The following JAK2 variants were observed in gnomAD, a reference collection of about 807,000 sequenced individuals.
JAK2 encodes the protein tyrosine-protein kinase JAK2.
In JAK2, 86 loss-of-function variants were observed where a neutral mutation model predicts 139.3. The observed-to-expected ratio is 0.62, with a 90% confidence interval of 0.52 to 0.74. The LOEUF (loss-of-function observed/expected upper bound fraction) is 0.74. Ranked by LOEUF, JAK2 falls within the 30% of genes least tolerant of loss-of-function variation. JAK2 has a pLI of 0.00. For synonymous variants in JAK2, 490 were observed against 437.7 expected (o/e 1.12, Z -1.49); for missense variants, 1,421 against 1,360.3 (o/e 1.04, Z -0.70).
chr9:5,035,050 A>T (rs569913990), intron 4 of JAK2, among the ~76,000 whole-genome samples: 4 of 152,348 alleles, frequency 2.6e-5, no homozygotes, highest in African/African-American at 7.2e-5. Flanking sequence ...GATAAAGGGG[A>T]TATCAACCCG....
intron 8 of JAK2, 123 bp downstream of exon 8, chr9:5,055,911 C>A (rs764686680): frequency 2.4e-6 from 2 of 818,512 alleles, no homozygotes; most frequent in African/African-American, 1.7e-5. Flanking sequence ...AAATATAACT[C>A]TAAACATCAG....
At chr9:5,036,201 A>G (rs1453790470) in intron 4 of JAK2, among the ~76,000 whole-genome samples, 1 of 152,180 alleles carries the variant, frequency 6.6e-6, no homozygotes. Context: ...GGAGAACTAC[A>G]AACCACTGCT....
At chr9:5,117,942 T>A (rs1243275588) in intron 22 of JAK2, among the ~76,000 whole-genome samples, 1 of 152,218 alleles carries the variant, frequency 6.6e-6, no homozygotes, top group African/African-American at 2.4e-5. Flanking sequence ...TAAAAGAATT[T>A]AGAAAAACCA....
chr9:5,048,548 T>G (rs1004603308), intron 5 of JAK2, among the ~76,000 whole-genome samples: 1 of 152,168 alleles, frequency 6.6e-6, no homozygotes. Flanking sequence ...TTCTCAAAAG[T>G]GTGGTGAAAT....
chr9:4,984,400 G>A (rs1563903144), upstream of JAK2: 1 of 152,308 alleles, frequency 6.6e-6, no homozygotes, highest in South Asian at 2.1e-4. Flanking sequence ...ACCCTCTCCC[G>A]GGCTACACCA....
Position 5,035,510 on chromosome 9 carries a change from C to T in JAK2, c.350+5604C>T, listed in dbSNP as rs188556126. On this transcript the variant is annotated intron_variant, in intron 4 of 24. Transcript: ENST00000381652. The stretch of plus-strand genomic sequence containing the variant: ...CAAAATACTGGCAAACCGAATCCAG[C>T]AGCACATCAAAAAGCTTATCCACCA... 1.1e-4 allele frequency among the ~76,000 whole-genome samples: 17 copies of T among 152,306 alleles called. No individual in the cohort carries two copies. In the East Asian group the frequency reaches 3.1e-3, roughly 28 times the overall value.
At position 5,078,462 on chromosome 9, in the gene JAK2, T is replaced by C. The variant is rs2130592208; in HGVS notation, c.2131+18T>C. ...AAAGGACAGTAAGTTCTAGAAGGAT[T>C]ATATATAATGTTACTAAGCTTTACT... is the stretch of plus-strand genomic sequence containing the variant. On this transcript the variant is annotated intron_variant, in intron 16 of 24. Coordinates refer to ENST00000381652, the MANE Select transcript of JAK2 (RefSeq NM_004972.4). 1 of 1,601,180 alleles carries C rather than the reference T, an allele frequency of 6.2e-7. No individual in the cohort carries two copies. The highest frequency in any genetic ancestry group is 8.5e-7 in the Non-Finnish European group (1 of 1,171,624).
chr9:5,110,189 A>T (rs1156917065), intron 22 of JAK2: 1 of 152,154 alleles, frequency 6.6e-6, no homozygotes, highest in East Asian at 1.9e-4. Context: ...GCCCAACCCC[A>T]GCCTCAGCCC....
chr9:5,058,564 A>G (rs1452088980), intron 8 of JAK2, among the ~76,000 whole-genome samples: 5 of 152,222 alleles, frequency 3.3e-5, no homozygotes. Context: ...AAACCATGTC[A>G]TACCTAGAAG....
intron 2 of JAK2, among the ~76,000 whole-genome samples, chr9:5,012,829 A>C (rs1018382571): frequency 1.3e-5 from 2 of 152,254 alleles, no homozygotes; most frequent in Non-Finnish European, 1.5e-5. Flanking sequence ...CAGATAATGG[A>C]ATTTTAGTCT....
intron 22 of JAK2, chr9:5,109,734 C>G (rs1203059575): frequency 6.6e-6 from 1 of 152,170 alleles, no homozygotes; most frequent in African/African-American, 2.4e-5. Context: ...TAGACTACTT[C>G]TCCATAATAT....
At chr9:5,086,235 A>C (rs1820102208) in intron 19 of JAK2, 1 of 597,700 alleles carries the variant, frequency 1.7e-6, no homozygotes, top group Non-Finnish European at 2.1e-6. Context: ...GGAGTCTGAA[A>C]GTCGCGGTAG....
chr9:5,085,154 C>G (rs749388364), intron 19 of JAK2: 1 of 648,440 alleles, frequency 1.5e-6, no homozygotes, highest in South Asian at 1.4e-5. Context: ...TACTGTGGAG[C>G]TCTGTCTACA....
At position 5,066,701 on chromosome 9, in the gene JAK2, T is replaced by A. The variant is rs1818596804; in HGVS notation, c.1238T>A (p.Leu413Gln). Residue 413 changes from leucine to glutamine, a missense_variant, in exon 10 of 25, where the codon CTG becomes CAG. By Grantham distance (113) the Leu-to-Gln change is moderately radical. Transcript: ENST00000381652. ...AGGATGGATTTTGCCATTAGTAAAC[T>A]GAAGAAAGCAGGTAATCAGACTGGA... is the stretch of plus-strand genomic sequence containing the variant. ...PISMDFAISK[L>Q]KKAGNQTGLY... 6.2e-7 allele frequency: 1 copy of A among 1,607,398 alleles called. No homozygotes were observed. Among genetic ancestry groups the A allele is most frequent in the Non-Finnish European group, 8.5e-7 (1 of 1,174,946 alleles).
chr9:5,126,926 C>G lies in JAK2; in HGVS notation c.*135C>G, dbSNP rs1824037711. On this transcript the variant is annotated 3_prime_UTR_variant, in exon 25 of 25. Coordinates refer to ENST00000381652, the MANE Select transcript of JAK2 (RefSeq NM_004972.4). ...CTAGCCAGCAAAGATGTGAAAATATCTGCTCAAAACTTTCAAAGTTTAGTA... is the reference window on the plus strand; with the variant it reads ...CTAGCCAGCAAAGATGTGAAAATATGTGCTCAAAACTTTCAAAGTTTAGTA... 2 of 457,618 alleles carry G rather than the reference C, an allele frequency of 4.4e-6. No homozygotes were observed. Among genetic ancestry groups the G allele is most frequent in the Non-Finnish European group, 3.8e-6 (1 of 266,516 alleles). The allele number at this position is 457,618 out of a possible 1,614,324, so 28.3% of individuals were successfully genotyped here. A position where few individuals can be genotyped will look rare whatever the true frequency, so the allele number is the denominator to read the frequency against.
At chr9:5,034,459 C>T (rs560232891) in intron 4 of JAK2, among the ~76,000 whole-genome samples, 8 of 152,218 alleles carry the variant, frequency 5.3e-5, no homozygotes, top group African/African-American at 1.4e-4. Context: ...CACACCACAC[C>T]TATTCCAAAA....
intron 2 of JAK2, among the ~76,000 whole-genome samples, chr9:5,017,044 C>G (rs866971862): frequency 6.6e-6 from 1 of 152,144 alleles, no homozygotes; most frequent in South Asian, 2.1e-4. Context: ...AACATTGCTG[C>G]TAATGCAAAC....
At chr9:5,055,113 T>G (rs538004218) in intron 7 of JAK2, among the ~76,000 whole-genome samples, 1 of 152,014 alleles carries the variant, frequency 6.6e-6, no homozygotes, top group Non-Finnish European at 1.5e-5. Context: ...GACTATATTA[T>G]AGTTTCAGAA....
intron 2 of JAK2, among the ~76,000 whole-genome samples, chr9:4,996,037 G>GA (rs1158874745): frequency 6.6e-6 from 1 of 152,092 alleles, no homozygotes; most frequent in Non-Finnish European, 1.5e-5. Context: ...CAATCCATAG[G>GA]ATAGGTCAAG....
Sources: gnomAD v4.1 joint callset for allele counts (sites outside exome capture counted in the v4.1 genomes callset) on GRCh38, gnomAD v4.1.1 for gene constraint, MANE v1.5 for transcripts, NCBI Gene and HGNC (gene_info 2026-07-23, HGNC 2026-07-21) for gene names.